The following ERI3 variants were observed in gnomAD, a reference collection of about 807,000 sequenced individuals.
ERI3 encodes ERI1 exoribonuclease family member 3.
A neutral mutation model predicts 44.4 loss-of-function variants in ERI3; 18 were observed. The ratio of observed to expected loss-of-function variants is 0.41; its 90% CI spans 0.28 to 0.60. The LOEUF is 0.60. Among genes scored for constraint, ERI3 ranks in the 20% least tolerant of loss-of-function variants. The pLI, the probability that ERI3 is intolerant of heterozygous loss-of-function variation, is 0.36. For missense variants in ERI3, 294 were observed against 435.5 expected (o/e 0.68, Z 2.89); for synonymous variants, 183 against 164.8 (o/e 1.11, Z -0.84).
chr1:44,339,012 C>G lies in ERI3; in HGVS notation c.489+33G>C, dbSNP rs528274805. 3.1e-5 allele frequency: 50 copies of G among 1,601,524 alleles called. No individual in the cohort carries two copies. In the South Asian group the frequency reaches 4.3e-4, roughly 14 times the overall value. On this transcript the variant is annotated intron_variant, in intron 3 of 8. Transcript: ENST00000372257. ...TATCCTCCCTCCCTCCTTGCCCCCC[C>G]CACCTTTTCTAAAGCAATGATGGAA... is the stretch of plus-strand genomic sequence containing the variant.
intron 7 of ERI3, among the ~76,000 whole-genome samples, chr1:44,260,614 T>C (rs1049304207): frequency 6.6e-6 from 1 of 152,170 alleles, no homozygotes; most frequent in African/African-American, 2.4e-5. Context: ...TAAAAAAGAA[T>C]TTCAGAAATG....
At chr1:44,290,317 G>A (rs1006729310) in intron 6 of ERI3, among the ~76,000 whole-genome samples, 1 of 152,204 alleles carries the variant, frequency 6.6e-6, no homozygotes, top group Non-Finnish European at 1.5e-5. Context: ...AGGCACAGAA[G>A]GCCCAGGCTT....
At chr1:44,346,141 T>C (rs1017310157) in intron 2 of ERI3, among the ~76,000 whole-genome samples, 1 of 152,188 alleles carries the variant, frequency 6.6e-6, no homozygotes. Context: ...CAGTCTCCTC[T>C]TCTCTACACT....
intron 8 of ERI3, among the ~76,000 whole-genome samples, chr1:44,233,542 T>C (rs1253235822): frequency 1.3e-5 from 2 of 152,028 alleles, no homozygotes; most frequent in Non-Finnish European, 2.9e-5. Flanking sequence ...TAGCTGGGAC[T>C]ACAGGCTCTT....
At chr1:44,314,162 G>A (rs1184551091) in intron 4 of ERI3, among the ~76,000 whole-genome samples, 1 of 150,994 alleles carries the variant, frequency 6.6e-6, no homozygotes, top group Non-Finnish European at 1.5e-5. Context: ...TTGGGGGGGG[G>A]GAGATTAAAC....
At chr1:44,277,275 C>T (rs1471140915) in intron 7 of ERI3, among the ~76,000 whole-genome samples, 1 of 152,018 alleles carries the variant, frequency 6.6e-6, no homozygotes, top group Non-Finnish European at 1.5e-5. Context: ...CTAGGTTCTC[C>T]ACCCCTTCTC....
chr1:44,301,469 C>T (rs571643694), intron 6 of ERI3, among the ~76,000 whole-genome samples: 3 of 152,208 alleles, frequency 2.0e-5, no homozygotes, highest in African/African-American at 7.2e-5. Flanking sequence ...ACCCTCATTC[C>T]TTACCTCAGA....
intron 6 of ERI3, among the ~76,000 whole-genome samples, chr1:44,300,692 C>T (rs893858993): frequency 6.6e-6 from 1 of 152,206 alleles, no homozygotes; most frequent in Non-Finnish European, 1.5e-5. Context: ...CCAAGCCCAC[C>T]ATCAGGAGCC....
At chr1:44,310,366 T>C (rs1166892735) in intron 5 of ERI3, among the ~76,000 whole-genome samples, 1 of 152,226 alleles carries the variant, frequency 6.6e-6, no homozygotes, top group Non-Finnish European at 1.5e-5. Flanking sequence ...CTGTTTAATG[T>C]CTGCCTTCCC....
At chr1:44,292,263 T>C (rs1645522854) in intron 6 of ERI3, among the ~76,000 whole-genome samples, 2 of 151,006 alleles carry the variant, frequency 1.3e-5, no homozygotes, top group South Asian at 2.1e-4. Flanking sequence ...TCCAAGAAGC[T>C]TGGGCTGAGG....
chr1:44,270,340 G>T (rs1424982473), intron 7 of ERI3, among the ~76,000 whole-genome samples: 1 of 152,196 alleles, frequency 6.6e-6, no homozygotes, highest in Non-Finnish European at 1.5e-5. Flanking sequence ...GCCTAGCTCT[G>T]TGGATTAAGA....
chr1:44,279,605 A>C (rs1645246211), intron 7 of ERI3, among the ~76,000 whole-genome samples: 1 of 152,132 alleles, frequency 6.6e-6, no homozygotes, highest in Non-Finnish European at 1.5e-5. Context: ...ATGTCTCAAA[A>C]GCATCTTAAC....
intron 4 of ERI3, among the ~76,000 whole-genome samples, chr1:44,318,405 G>A (rs1572266824): frequency 6.6e-6 from 1 of 152,166 alleles, no homozygotes; most frequent in African/African-American, 2.4e-5. Flanking sequence ...TTTTCAAAAA[G>A]GGCAGAAAAG....
Position 44,228,355 on chromosome 1 carries a change from T to A in ERI3, c.932-6715A>T, listed in dbSNP as rs1644095707. 6.6e-6 allele frequency among the ~76,000 whole-genome samples: 1 copy of A among 152,220 alleles called. No individual in the cohort carries two copies. Among genetic ancestry groups the A allele is most frequent in the Admixed American group, 6.5e-5 (1 of 15,274 alleles). On this transcript the variant is annotated intron_variant, in intron 8 of 8. Transcript: ENST00000372257. The surrounding 1 kb of genome is among the most constrained non-coding windows in gnomAD (Gnocchi z 4.3). ...CATCTTGATTAGCAGGCGATTTCTC[T>A]CACCGTAATAAGCGCGCTCCAAATA...
At chr1:44,276,064 C>A (rs1160710105) in intron 7 of ERI3, among the ~76,000 whole-genome samples, 1 of 152,184 alleles carries the variant, frequency 6.6e-6, no homozygotes, top group African/African-American at 2.4e-5. Context: ...CAAGTTGAGA[C>A]AGAGGGGGAA....
At chr1:44,263,358 T>C (rs925532270) in intron 7 of ERI3, among the ~76,000 whole-genome samples, 1 of 152,050 alleles carries the variant, frequency 6.6e-6, no homozygotes, top group Admixed American at 6.5e-5. Flanking sequence ...AGCCAGCTGG[T>C]GCCCTGGCTT....
chr1:44,350,850 T>A (rs1189643573), intron 2 of ERI3, among the ~76,000 whole-genome samples: 1 of 151,630 alleles, frequency 6.6e-6, no homozygotes, highest in Non-Finnish European at 1.5e-5. Flanking sequence ...CCTCCCAAAG[T>A]GCTGAGATTA....
intron 6 of ERI3, among the ~76,000 whole-genome samples, chr1:44,304,830 C>T (rs1645800125): frequency 6.6e-6 from 1 of 152,158 alleles, no homozygotes; most frequent in Non-Finnish European, 1.5e-5. Flanking sequence ...ACCTGCAGAG[C>T]ACAGCCAGAA....
chr1:44,266,157 A>C (rs937721614), intron 7 of ERI3, among the ~76,000 whole-genome samples: 3 of 152,206 alleles, frequency 2.0e-5, no homozygotes, highest in Non-Finnish European at 4.4e-5. Context: ...TTCTGAAGGC[A>C]CTTGATATAG....
Sources: allele counts gnomAD v4.1 joint callset (sites outside exome capture counted in the v4.1 genomes callset), GRCh38; gene constraint gnomAD v4.1.1; non-coding constraint Gnocchi (gnomAD v3.1); transcripts MANE v1.5; gene names NCBI Gene and HGNC (gene_info 2026-07-23, HGNC 2026-07-21).